SLC38A10: variants seen among roughly 807,000 people sequenced by gnomAD.
The protein encoded by SLC38A10 is solute carrier family 38 member 10, also known as Sodium-coupled neutral amino acid transporter 10.
A neutral mutation model predicts 81.0 loss-of-function variants in SLC38A10; 53 were observed. The ratio of observed to expected loss-of-function variants is 0.65; its 90% CI spans 0.53 to 0.82. The LOEUF (loss-of-function observed/expected upper bound fraction) is 0.82. Ranked by LOEUF, SLC38A10 falls within the 40% of genes least tolerant of loss-of-function variation. SLC38A10 has a pLI of 0.00. For missense variants in SLC38A10, 1,471 were observed against 1,545.0 expected (o/e 0.95, Z 0.80); for synonymous variants, 665 against 655.3 (o/e 1.01, Z -0.23).
At chr17:81,268,284 T>C (rs923755145) in intron 10 of SLC38A10, among the ~76,000 whole-genome samples, 5 of 152,180 alleles carry the variant, frequency 3.3e-5, no homozygotes, top group African/African-American at 9.7e-5. Context: ...CCAGAACTTC[T>C]ACGATTTCTC....
intron 9 of SLC38A10, 77 bp downstream of exon 9, chr17:81,272,439 C>G: frequency 1.1e-6 from 1 of 881,288 alleles, no homozygotes; most frequent in East Asian, 2.8e-5. Context: ...GTGCAGGTCT[C>G]GTAACTGTGC....
intron 2 of SLC38A10, chr17:81,285,637 C>G (rs1039858178): frequency 6.6e-6 from 1 of 152,246 alleles, no homozygotes; most frequent in African/African-American, 2.4e-5. Flanking sequence ...GTGACCCCCG[C>G]GCTTCCCCCA....
intron 10 of SLC38A10, among the ~76,000 whole-genome samples, chr17:81,267,478 T>C (rs754460219): frequency 6.6e-6 from 1 of 151,960 alleles, no homozygotes; most frequent in South Asian, 2.1e-4. Flanking sequence ...CTTCCTTCCT[T>C]CCTCCCTCCC....
At chr17:81,279,201 G>C (rs956230918) in intron 6 of SLC38A10, among the ~76,000 whole-genome samples, 2 of 152,240 alleles carry the variant, frequency 1.3e-5, no homozygotes, top group African/African-American at 4.8e-5. Flanking sequence ...CTGACCTCCA[G>C]GGCCTCCTGG....
chr17:81,246,384 T>C lies in SLC38A10; in HGVS notation c.2532A>G (p.Ala844=). 1 of 1,600,864 alleles carries C rather than the reference T, an allele frequency of 6.2e-7. No homozygotes were observed. Among genetic ancestry groups the C allele is most frequent in the Non-Finnish European group, 8.5e-7 (1 of 1,175,748 alleles). Reference sequence around the variant, plus strand: ...TGGGGAGCTCCTTCACAGTGCCAGCTGCCCTGGGGGCGGCATCCTTCTGGC... The same window carrying C: ...TGGGGAGCTCCTTCACAGTGCCAGCCGCCCTGGGGGCGGCATCCTTCTGGC... ...RDGQKDAAPR[A]AGTVKELPKG... Residue 844 remains alanine (A), a synonymous_variant, in exon 16 of 16, where the codon GCA becomes GCG. Transcript: ENST00000374759.
chr17:81,286,022 C>T lies in SLC38A10; in HGVS notation c.218-1127G>A, dbSNP rs1598405991. Among the ~76,000 whole-genome samples the T allele has an allele frequency of 1.3e-5, 2 of 152,052 alleles. No individual in the cohort carries two copies. The highest frequency in any genetic ancestry group is 4.2e-4 in the South Asian group (2 of 4,818). ...GAGTTCATCCCACAACACGGAAACC[C>T]GAGCCAGGCCCCAGAAGCTGACCTG... On this transcript the variant is annotated intron_variant, in intron 2 of 15. Coordinates refer to ENST00000374759, the MANE Select transcript of SLC38A10 (RefSeq NM_001037984.3). This position sits in a 1 kb window ranked among gnomAD's most constrained non-coding sequence, Gnocchi z 6.0.
chr17:81,246,546 GC>G lies in SLC38A10; in HGVS notation c.2369del (p.Gly790AlafsTer44). Reference sequence around the variant, plus strand: ...TAAGGTCCTGGGATGGAGCAGGGCGGCCCCCAGGAGCTCTGAGGACAGGGTC... The same window carrying G: ...TAAGGTCCTGGGATGGAGCAGGGCGGCCCCAGGAGCTCTGAGGACAGGGTC... ...PLDPVLRAPGGRPAPSQDLNQ... is the reference protein window; with the variant it reads ...PLDPVLRAPGXRPAPSQDLNQ... On this transcript the variant is annotated frameshift_variant, in exon 16 of 16. Transcript: ENST00000374759. LOFTEE classifies it low-confidence loss of function (END_TRUNC). 1 of 1,516,142 alleles carries G rather than the reference GC, an allele frequency of 6.6e-7. No individual in the cohort carries two copies. The highest frequency in any genetic ancestry group is 2.3e-5 in the Admixed American group (1 of 44,354). The allele number at this position is 1,516,142 out of a possible 1,614,324, so 93.9% of individuals were successfully genotyped here.
At chr17:81,274,193 G>A (rs554517701) in intron 8 of SLC38A10, among the ~76,000 whole-genome samples, 20 of 152,336 alleles carry the variant, frequency 1.3e-4, no homozygotes, top group African/African-American at 4.3e-4. Flanking sequence ...TTGCCTCCTC[G>A]ATCCTGCCTC....
rs2063172429 is a variant in SLC38A10, at chr17:81,277,480, T to C, written c.627-347A>G. Among the ~76,000 whole-genome samples, 1 of 152,166 alleles carries C rather than the reference T, an allele frequency of 6.6e-6. No homozygotes were observed. Among genetic ancestry groups the C allele is most frequent in the South Asian group, 2.1e-4 (1 of 4,834 alleles). On this transcript the variant is annotated intron_variant, in intron 6 of 15. Transcript: ENST00000374759. This position sits in a 1 kb window ranked among gnomAD's most constrained non-coding sequence, Gnocchi z 4.5. ...CGGAGGAGGCTGCTCAGAGAATCGC[T>C]GTCAAGAGGAGGGAAAGTTAAACAA...
In SLC38A10 at chr17:81,276,575, A is replaced by T. The variant is rs1215991334; in HGVS notation, c.730-424T>A. Among the ~76,000 whole-genome samples, 1 of 152,038 alleles carries T rather than the reference A, an allele frequency of 6.6e-6. No individual in the cohort carries two copies. The highest frequency in any genetic ancestry group is 1.5e-5 in the Non-Finnish European group (1 of 67,990). ...CCCAGCTAATTTTTGTATTTTTAGTAGAGACAGGGTTTCACCATGTTGGCC... is the reference window on the plus strand; with the variant it reads ...CCCAGCTAATTTTTGTATTTTTAGTTGAGACAGGGTTTCACCATGTTGGCC... On this transcript the variant is annotated intron_variant, in intron 7 of 15. Coordinates refer to ENST00000374759, the MANE Select transcript of SLC38A10 (RefSeq NM_001037984.3). This position sits in a 1 kb window ranked among gnomAD's most constrained non-coding sequence, Gnocchi z 4.7.
At chr17:81,275,881 A>G (rs1382617631) in intron 8 of SLC38A10, 88 bp downstream of exon 8, 1 of 1,424,376 alleles carries the variant, frequency 7.0e-7, no homozygotes, top group Admixed American at 2.1e-5. Flanking sequence ...CTTTCCTGCT[A>G]TATCTCTGGT....
intron 11 of SLC38A10, among the ~76,000 whole-genome samples, chr17:81,259,813 G>A (rs2063005002): frequency 6.6e-6 from 1 of 152,204 alleles, no homozygotes; most frequent in African/African-American, 2.4e-5. Flanking sequence ...CGGTCCTGGT[G>A]AACAAATAAT....
chr17:81,249,893 A>G (rs2062894565), intron 14 of SLC38A10, among the ~76,000 whole-genome samples: 2 of 152,138 alleles, frequency 1.3e-5, no homozygotes, highest in Admixed American at 1.3e-4. Context: ...CAGAGTGGGC[A>G]TCGGGACCCT....
chr17:81,261,691 A>C (rs1245098077), intron 10 of SLC38A10, among the ~76,000 whole-genome samples: 1 of 152,228 alleles, frequency 6.6e-6, no homozygotes, highest in East Asian at 1.9e-4. Flanking sequence ...TGGTGTCGGC[A>C]TCTCCGGACG....
intron 1 of SLC38A10, among the ~76,000 whole-genome samples, chr17:81,293,247 C>A: frequency 6.6e-6 from 1 of 152,246 alleles, no homozygotes; most frequent in East Asian, 1.9e-4. Flanking sequence ...TGCTGCCAGG[C>A]AAGTCACAGT....
chr17:81,254,767 G>A (rs1235719907), intron 11 of SLC38A10, among the ~76,000 whole-genome samples: 8 of 152,292 alleles, frequency 5.3e-5, no homozygotes, highest in Non-Finnish European at 1.2e-4. Flanking sequence ...TTCTATAAGC[G>A]TATGGCCACC....
Position 81,260,411 on chromosome 17 carries a change from C to T in SLC38A10, c.1132-17G>A. The stretch of plus-strand genomic sequence containing the variant: ...CAGCACCACCTGAGGAGACAAAGAC[C>T]CCAGGGGCGGGAGTCACAGCTGGCC... On this transcript the variant is annotated splice_polypyrimidine_tract_variant and intron_variant, in intron 10 of 15. Transcript: ENST00000374759. 6.2e-7 allele frequency: 1 copy of T among 1,603,376 alleles called. No individual in the cohort carries two copies. Among genetic ancestry groups the T allele is most frequent in the South Asian group, 1.1e-5 (1 of 90,306 alleles).
Position 81,245,067 on chromosome 17 carries a change from T to C in SLC38A10, c.*489A>G, listed in dbSNP as rs550471532. ...TGTGGGAAGCATCGATAAACAGTCA[T>C]AATAATTATCATTCTGAGTCACTGC... On this transcript the variant is annotated 3_prime_UTR_variant, in exon 16 of 16. Coordinates refer to ENST00000374759, the MANE Select transcript of SLC38A10 (RefSeq NM_001037984.3). The C allele has an allele frequency of 2.5e-5, 4 of 159,346 alleles. No individual in the cohort carries two copies. Among genetic ancestry groups the C allele is most frequent in the Admixed American group, 6.4e-5 (1 of 15,522 alleles). 9.9% of individuals were successfully genotyped at this position (159,346 alleles called of 1,614,324 possible). A position where few individuals can be genotyped will look rare whatever the true frequency, so the allele number is the denominator to read the frequency against.
intron 3 of SLC38A10, among the ~76,000 whole-genome samples, chr17:81,284,594 G>A (rs1400023970): frequency 6.6e-6 from 1 of 152,190 alleles, no homozygotes; most frequent in African/African-American, 2.4e-5. Context: ...TTGAGGGGTA[G>A]GTGAGGTGCT....
Sources: allele counts gnomAD v4.1 joint callset (sites outside exome capture counted in the v4.1 genomes callset), GRCh38; gene constraint gnomAD v4.1.1; non-coding constraint Gnocchi (gnomAD v3.1); transcripts MANE v1.5; gene names NCBI Gene and HGNC (gene_info 2026-07-23, HGNC 2026-07-21).